Variants in SPEF2 observed in about 807,000 individuals in gnomAD.
The protein encoded by SPEF2 is sperm flagella and cilia-associated protein 2.
A neutral mutation model predicts 224.6 loss-of-function variants in SPEF2; 187 were observed. The observed-to-expected ratio is 0.83, with a 90% confidence interval of 0.74 to 0.94. The LOEUF (loss-of-function observed/expected upper bound fraction) is 0.94. Among genes scored for constraint, SPEF2 ranks in the 40% least tolerant of loss-of-function variants. The probability of loss-of-function intolerance (pLI) is 0.00; values close to 1 mark genes in which losing one functional copy is unlikely to be tolerated. For missense variants in SPEF2, 2,170 were observed against 2,135.6 expected (o/e 1.02, Z -0.32); for synonymous variants, 715 against 707.3 (o/e 1.01, Z -0.17).
intron 26 of SPEF2, among the ~76,000 whole-genome samples, chr5:35,769,308 G>A (rs965398103): frequency 4.6e-5 from 7 of 151,858 alleles, no homozygotes; most frequent in East Asian, 1.9e-4. Flanking sequence ...TTAGCAAGTC[G>A]GCTTTCAGCT....
intron 20 of SPEF2, among the ~76,000 whole-genome samples, chr5:35,714,502 T>G (rs1244295235): frequency 1.3e-5 from 2 of 151,968 alleles, no homozygotes; most frequent in Non-Finnish European, 2.9e-5. Context: ...TATTTGAGCA[T>G]TAACAGGTTA....
chr5:35,634,388 TG>T (rs1274658710), intron 2 of SPEF2, among the ~76,000 whole-genome samples: 1 of 152,166 alleles, frequency 6.6e-6, no homozygotes, highest in African/African-American at 2.4e-5. Flanking sequence ...GAGAAGCTCT[TG>T]TATTTGATGT....
intron 30 of SPEF2, chr5:35,789,466 T>C: frequency 1.5e-6 from 1 of 667,770 alleles, no homozygotes; most frequent in Non-Finnish European, 2.7e-6. Context: ...AATTTGTTAG[T>C]TGTTATTTGG....
intron 10 of SPEF2, 86 bp downstream of exon 10, chr5:35,670,313 T>C: frequency 6.7e-7 from 1 of 1,481,884 alleles, no homozygotes; most frequent in Non-Finnish European, 8.9e-7. Context: ...TTATTTCATT[T>C]CTACTAATAA....
At chr5:35,633,053 C>T (rs529913201) in intron 2 of SPEF2, 3 of 152,186 alleles carry the variant, frequency 2.0e-5, no homozygotes, top group Non-Finnish European at 4.4e-5. Context: ...AATGGTCTAA[C>T]GTATATTCTC....
intron 26 of SPEF2, among the ~76,000 whole-genome samples, chr5:35,769,727 G>A (rs1435140763): frequency 6.6e-6 from 1 of 152,118 alleles, no homozygotes; most frequent in African/African-American, 2.4e-5. Context: ...CTGCCATGGG[G>A]TATGCAGTGT....
chr5:35,790,527 C>T, intron 30 of SPEF2: 1 of 412,898 alleles, frequency 2.4e-6, no homozygotes, highest in South Asian at 1.0e-4. Flanking sequence ...TTCTTCCAAA[C>T]ATACAGAGTA....
intron 21 of SPEF2, among the ~76,000 whole-genome samples, chr5:35,737,941 G>C (rs1746911725): frequency 6.6e-6 from 1 of 152,178 alleles, no homozygotes; most frequent in South Asian, 2.1e-4. Flanking sequence ...TTGTGGTTTT[G>C]ATTTGCATTT....
At chr5:35,682,445 A>G (rs1408332688) in intron 10 of SPEF2, among the ~76,000 whole-genome samples, 4 of 152,226 alleles carry the variant, frequency 2.6e-5, no homozygotes, top group Admixed American at 6.5e-5. Flanking sequence ...TGTCTCTTAG[A>G]GGAAAAGGCA....
chr5:35,766,320 T>G (rs1441097515), intron 26 of SPEF2, among the ~76,000 whole-genome samples: 1 of 152,070 alleles, frequency 6.6e-6, no homozygotes, highest in Non-Finnish European at 1.5e-5. Context: ...CAAGAATTCA[T>G]TATCTTTAAT....
At chr5:35,645,015 C>G (rs1418950617) in intron 4 of SPEF2, among the ~76,000 whole-genome samples, 3 of 152,180 alleles carry the variant, frequency 2.0e-5, no homozygotes, top group Non-Finnish European at 4.4e-5. Flanking sequence ...GAACAACTCT[C>G]AACTTCTTTC....
At chr5:35,670,352 C>T (rs1393180793) in intron 10 of SPEF2, 125 bp downstream of exon 10, 4 of 1,420,728 alleles carry the variant, frequency 2.8e-6, no homozygotes, top group Non-Finnish European at 3.7e-6. Flanking sequence ...TGCATTTTCC[C>T]TTGTTTTAAT....
chr5:35,772,992 A>G (rs1020232659), intron 27 of SPEF2, among the ~76,000 whole-genome samples: 1 of 152,222 alleles, frequency 6.6e-6, no homozygotes, highest in East Asian at 1.9e-4. Flanking sequence ...GCCATAGCCC[A>G]TGGGTAAATC....
At chr5:35,673,313 C>A (rs1751447621) in intron 10 of SPEF2, among the ~76,000 whole-genome samples, 1 of 152,188 alleles carries the variant, frequency 6.6e-6, no homozygotes, top group South Asian at 2.1e-4. Flanking sequence ...TGCCAGTGAA[C>A]CTCAAACTCC....
rs1044306751 is a variant in SPEF2, at chr5:35,691,327, G to A, written c.1744+71G>A. The A allele has an allele frequency of 7.2e-6, 9 of 1,243,068 alleles. No homozygotes were observed. The Admixed American group carries it at 8.0e-5, about 11-fold the overall frequency. The allele number at this position is 1,243,068 out of a possible 1,614,324, so 77.0% of individuals were successfully genotyped here. On this transcript the variant is annotated intron_variant, in intron 11 of 36. Transcript: ENST00000356031. ...ACTGACTGTAGCTGCAAATGTCTAT[G>A]TGTATAAAAAACATACAAGAAGCAC... is the stretch of plus-strand genomic sequence containing the variant.
At chr5:35,669,710 A>G (rs1359883690) in intron 9 of SPEF2, among the ~76,000 whole-genome samples, 1 of 152,082 alleles carries the variant, frequency 6.6e-6, no homozygotes, top group Non-Finnish European at 1.5e-5. Context: ...CAGAACACTT[A>G]GGTTCCTTAA....
intron 32 of SPEF2, among the ~76,000 whole-genome samples, chr5:35,795,252 A>C (rs1756501579): frequency 1.3e-5 from 2 of 152,232 alleles, no homozygotes; most frequent in East Asian, 3.9e-4. Context: ...AATGTACACC[A>C]GCACCATGCA....
chr5:35,795,601 C>A, intron 32 of SPEF2, 102 bp from the exon 33 acceptor site: 1 of 922,890 alleles, frequency 1.1e-6, no homozygotes, highest in Non-Finnish European at 1.6e-6. Flanking sequence ...ACTTGGGAGA[C>A]AACTGCTCTA....
chr5:35,727,987 C>T (rs138369643), intron 21 of SPEF2, among the ~76,000 whole-genome samples, 164 bp downstream of exon 21: 6 of 152,174 alleles, frequency 3.9e-5, no homozygotes, highest in African/African-American at 7.2e-5. Flanking sequence ...ATATCTCATC[C>T]TTTCTCCTAC....
Sources: allele counts gnomAD v4.1 joint callset (sites outside exome capture counted in the v4.1 genomes callset), GRCh38; gene constraint gnomAD v4.1.1; transcripts MANE v1.5; gene names NCBI Gene and HGNC (gene_info 2026-07-23, HGNC 2026-07-21).